The following LIPC variants were observed in gnomAD, a reference collection of about 807,000 sequenced individuals.
LIPC encodes the protein lipase C, hepatic type.
A neutral mutation model predicts 50.7 loss-of-function variants in LIPC; 44 were observed. That is an observed-to-expected ratio of 0.87 (90% confidence interval 0.68 to 1.11). The LOEUF is 1.11. Among genes scored for constraint, LIPC ranks in the 50% most tolerant of loss-of-function variants. LIPC has a pLI of 0.00. For synonymous variants in LIPC, 271 were observed against 256.4 expected (o/e 1.06, Z -0.54); for missense variants, 697 against 648.2 (o/e 1.08, Z -0.82).
chr15:58,473,753 T>C (rs1773090294), intron 1 of LIPC: 2 of 152,266 alleles, frequency 1.3e-5, no homozygotes, highest in Admixed American at 1.3e-4. Flanking sequence ...TTGTCCAAGG[T>C]TACACAGCTG....
At chr15:58,485,832 A>G (rs951723162) in intron 1 of LIPC, among the ~76,000 whole-genome samples, 3 of 152,220 alleles carry the variant, frequency 2.0e-5, no homozygotes, top group Non-Finnish European at 4.4e-5. Context: ...TCTCAAAGGC[A>G]TTGAGGTTAC....
intron 1 of LIPC, among the ~76,000 whole-genome samples, chr15:58,459,811 G>A (rs2140703666): frequency 6.6e-6 from 1 of 152,368 alleles, no homozygotes; most frequent in Middle Eastern, 3.4e-3. Context: ...GGGAAGGACA[G>A]AGGTATCTGA....
At chr15:58,544,008 A>C (rs1450164341) in intron 4 of LIPC, among the ~76,000 whole-genome samples, 2 of 152,234 alleles carry the variant, frequency 1.3e-5, no homozygotes, top group Non-Finnish European at 2.9e-5. Context: ...AATGGGGATA[A>C]TGGCAGACGT....
intron 6 of LIPC, among the ~76,000 whole-genome samples, chr15:58,554,744 A>G (rs1286965655): frequency 7.9e-5 from 12 of 152,130 alleles, no homozygotes; most frequent in African/African-American, 2.9e-4. Context: ...GAGGAGGAGG[A>G]AGAAGAAGAA....
intron 1 of LIPC, among the ~76,000 whole-genome samples, chr15:58,488,820 C>A (rs1295286488): frequency 6.6e-6 from 1 of 152,208 alleles, no homozygotes. Context: ...AAGGGCCATA[C>A]CCTAGTGTTT....
At chr15:58,539,328 C>T (rs553367786) in intron 2 of LIPC, among the ~76,000 whole-genome samples, 3 of 152,308 alleles carry the variant, frequency 2.0e-5, no homozygotes, top group African/African-American at 4.8e-5. Context: ...GTGAAATTCT[C>T]CCAGTTACAT....
In LIPC at chr15:58,472,035, C is replaced by A. The variant is rs955288602; in HGVS notation, c.88+39915C>A. On this transcript the variant is annotated intron_variant, in intron 1 of 8. Coordinates refer to ENST00000299022, the MANE Select transcript of LIPC (RefSeq NM_000236.3). The stretch of plus-strand genomic sequence containing the variant: ...CTGTAATCCCAGCACTTTGGGAGGC[C>A]AAGGTGGGTGGATCACCTGAGGTCA... Among the ~76,000 whole-genome samples, 16 of 151,896 alleles carry A rather than the reference C, an allele frequency of 1.1e-4. 1 individual carries two copies. The highest frequency in any genetic ancestry group is 2.0e-4 in the Admixed American group (3 of 15,278).
intron 1 of LIPC, among the ~76,000 whole-genome samples, chr15:58,449,753 T>C (rs1440638924): frequency 6.6e-6 from 1 of 152,190 alleles, no homozygotes; most frequent in Admixed American, 6.5e-5. Context: ...TTGGCCAGGC[T>C]GGTCTTGAAC....
At chr15:58,520,735 G>A (rs563038939) in intron 1 of LIPC, among the ~76,000 whole-genome samples, 2 of 152,164 alleles carry the variant, frequency 1.3e-5, no homozygotes, top group Non-Finnish European at 2.9e-5. Context: ...TTCTTCTCTC[G>A]GGCCAGCAGG....
At chr15:58,479,620 A>C (rs1891119100) in intron 1 of LIPC, among the ~76,000 whole-genome samples, 1 of 152,228 alleles carries the variant, frequency 6.6e-6, no homozygotes, top group South Asian at 2.1e-4. Flanking sequence ...TAGGAAAAAA[A>C]TACTGCTTGC....
At chr15:58,546,918 C>G (rs1339147286) in intron 5 of LIPC, among the ~76,000 whole-genome samples, 2 of 152,078 alleles carry the variant, frequency 1.3e-5, no homozygotes, top group African/African-American at 2.4e-5. Flanking sequence ...GGAACTTGCC[C>G]TTATCATTGC....
At chr15:58,545,369 G>A (rs1893485523) in intron 4 of LIPC, among the ~76,000 whole-genome samples, 1 of 152,140 alleles carries the variant, frequency 6.6e-6, no homozygotes, top group Non-Finnish European at 1.5e-5. Flanking sequence ...CTCCTGAGTG[G>A]CTGAAACTAC....
At chr15:58,489,977 C>T (rs1217986482) in intron 1 of LIPC, among the ~76,000 whole-genome samples, 1 of 151,940 alleles carries the variant, frequency 6.6e-6, no homozygotes, top group Non-Finnish European at 1.5e-5. Context: ...AAGGCAGTTT[C>T]ACTGTGACCT....
chr15:58,432,706 G>A (rs1170303734), intron 1 of LIPC, among the ~76,000 whole-genome samples: 2 of 152,182 alleles, frequency 1.3e-5, no homozygotes, highest in African/African-American at 2.4e-5. Flanking sequence ...GATTGATGGC[G>A]AAAGACAGAT....
At chr15:58,545,657 T>C (rs1365204671) in intron 4 of LIPC, 85 bp from the exon 5 acceptor site, 14 of 1,127,890 alleles carry the variant, frequency 1.2e-5, no homozygotes, top group African/African-American at 1.2e-4. Context: ...TTCACTGATG[T>C]ATAATAATAT....
At chr15:58,478,768 T>C (rs1471692441) in intron 1 of LIPC, among the ~76,000 whole-genome samples, 1 of 152,228 alleles carries the variant, frequency 6.6e-6, no homozygotes, top group African/African-American at 2.4e-5. Flanking sequence ...TACAGAACTA[T>C]AGTTCAGTGG....
chr15:58,486,801 A>G (rs1891392683), intron 1 of LIPC, among the ~76,000 whole-genome samples: 1 of 152,220 alleles, frequency 6.6e-6, no homozygotes, highest in Admixed American at 6.5e-5. Flanking sequence ...GGGATAATTT[A>G]GTGGAATCCC....
chr15:58,457,618 A>C (rs117451442), intron 1 of LIPC, among the ~76,000 whole-genome samples: 7 of 152,208 alleles, frequency 4.6e-5, no homozygotes, highest in African/African-American at 1.4e-4. Context: ...TATCTTCTCC[A>C]TAAAGCTTTC....
chr15:58,562,987 G>A (rs1478383555), intron 7 of LIPC, among the ~76,000 whole-genome samples: 1 of 152,214 alleles, frequency 6.6e-6, no homozygotes, highest in Admixed American at 6.5e-5. Flanking sequence ...ATACCTCAGA[G>A]TCTGCATTTA....
Sources: gnomAD v4.1 joint callset for allele counts (sites outside exome capture counted in the v4.1 genomes callset) on GRCh38, gnomAD v4.1.1 for gene constraint, MANE v1.5 for transcripts, NCBI Gene and HGNC (gene_info 2026-07-23, HGNC 2026-07-21) for gene names.